The following MAP1B variants were observed in gnomAD, a reference collection of about 807,000 sequenced individuals.
MAP1B encodes microtubule-associated protein 1B.
Under a neutral mutation model 176.1 loss-of-function variants are expected in MAP1B, and 12 were observed. The ratio of observed to expected loss-of-function variants is 0.07; its 90% CI spans 0.04 to 0.11. MAP1B has a LOEUF of 0.11. Among genes scored for constraint, MAP1B ranks in the 10% least tolerant of loss-of-function variants. MAP1B has a pLI of 1.00. For synonymous variants in MAP1B, 1,044 were observed against 1,135.0 expected, an observed-to-expected ratio of 0.92 and a Z score of 1.61; for missense variants, 2,523 against 2,990.5, an observed-to-expected ratio of 0.84 and a Z score of 3.65.
intron 2 of MAP1B, among the ~76,000 whole-genome samples, chr5:72,141,266 G>A (rs554928609): frequency 2.0e-5 from 3 of 152,072 alleles, no homozygotes; most frequent in African/African-American, 4.8e-5. Context: ...CACTGGTGCC[G>A]TGACACACAT....
chr5:72,180,125 C>T (rs1411864052), intron 2 of MAP1B, among the ~76,000 whole-genome samples: 2 of 152,118 alleles, frequency 1.3e-5, no homozygotes, highest in Non-Finnish European at 2.9e-5. Context: ...AGCTAGCGGG[C>T]TCAGGGCGTT....
intron 2 of MAP1B, among the ~76,000 whole-genome samples, chr5:72,140,608 A>G (rs541412250): frequency 6.6e-6 from 1 of 152,326 alleles, no homozygotes; most frequent in African/African-American, 2.4e-5. Context: ...TCCTTTCTTT[A>G]TTAAGTTAAT....
chr5:72,171,090 G>A (rs1415886077), intron 2 of MAP1B, among the ~76,000 whole-genome samples: 1 of 152,124 alleles, frequency 6.6e-6, no homozygotes, highest in Non-Finnish European at 1.5e-5. Context: ...ACATAGAGTA[G>A]GAAAGGGTAA....
chr5:72,108,565 C>T (rs1348976798), intron 1 of MAP1B, among the ~76,000 whole-genome samples: 2 of 152,212 alleles, frequency 1.3e-5, no homozygotes, highest in African/African-American at 4.8e-5. Flanking sequence ...AATAGCGGTA[C>T]GCCGGGGACC....
intron 6 of MAP1B, 23 bp from the exon 7 acceptor site, chr5:72,205,061 A>T (rs1413563022): frequency 1.4e-6 from 2 of 1,445,340 alleles, no homozygotes; most frequent in East Asian, 4.9e-5. Context: ...TTAAATAGCT[A>T]TTTTTTTTTT....
At chr5:72,115,858 G>T (rs1484744485) in intron 2 of MAP1B, 59 bp downstream of exon 2, 1 of 1,245,366 alleles carries the variant, frequency 8.0e-7, no homozygotes, top group South Asian at 1.2e-5. Context: ...GAGCAAGCTA[G>T]AAAGCTTTGT....
intron 2 of MAP1B, among the ~76,000 whole-genome samples, chr5:72,163,240 A>C (rs1215129896): frequency 1.3e-5 from 2 of 151,554 alleles, no homozygotes; most frequent in African/African-American, 4.8e-5. Context: ...AAAAAAAAAA[A>C]AAAAAAAAGA....
intron 2 of MAP1B, among the ~76,000 whole-genome samples, chr5:72,171,930 C>T: frequency 6.6e-6 from 1 of 152,152 alleles, no homozygotes; most frequent in East Asian, 1.9e-4. Context: ...GATCCATCTC[C>T]ACCTCACCCT....
At chr5:72,157,243 G>C (rs1207392747) in intron 2 of MAP1B, among the ~76,000 whole-genome samples, 1 of 152,136 alleles carries the variant, frequency 6.6e-6, no homozygotes, top group Non-Finnish European at 1.5e-5. Flanking sequence ...TGGAATGAGA[G>C]GGTAATGTTT....
Position 72,186,835 on chromosome 5 carries a change from AAAG to A in MAP1B, c.510+88_510+90del, listed in dbSNP as rs1176027251. On this transcript the variant is annotated intron_variant, in intron 4 of 6. Transcript: ENST00000296755. The surrounding 1 kb of genome is among the most constrained non-coding windows in gnomAD (Gnocchi z 4.3). Reference sequence around the variant, plus strand: ...CTCTTTGAGAGCACTGGGGGAGACAAAAGAAGAAGGGAGGGAACCTCACAGCTC... The same window carrying A: ...CTCTTTGAGAGCACTGGGGGAGACAAAAGAAGGGAGGGAACCTCACAGCTC... 2.0e-6 allele frequency: 3 copies of A among 1,527,544 alleles called. No individual in the cohort carries two copies. The highest frequency in any genetic ancestry group is 1.7e-5 in the Admixed American group (1 of 58,172). The allele number at this position is 1,527,544 out of a possible 1,614,324, so 94.6% of individuals were successfully genotyped here. A position where few individuals can be genotyped will look rare whatever the true frequency, so the allele number is the denominator to read the frequency against.
At chr5:72,140,872 G>C (rs1745935384) in intron 2 of MAP1B, among the ~76,000 whole-genome samples, 1 of 152,124 alleles carries the variant, frequency 6.6e-6, no homozygotes, top group Non-Finnish European at 1.5e-5. Flanking sequence ...TTTTTTGTCT[G>C]AATCCCCATC....
chr5:72,177,646 T>G (rs1217172035), intron 2 of MAP1B, among the ~76,000 whole-genome samples: 1 of 152,148 alleles, frequency 6.6e-6, no homozygotes, highest in East Asian at 1.9e-4. Context: ...TTACCTGCCA[T>G]GTGGGTTTCT....
chr5:72,167,016 CTT>C (rs35935162), intron 2 of MAP1B, among the ~76,000 whole-genome samples: 59,307 of 142,228 alleles, frequency 0.42, 12,107 homozygotes, highest in African/African-American at 0.47. Context: ...TATATTCCTT[CTT>C]TTTTTTTTTT....
At chr5:72,135,776 T>C (rs912142551) in intron 2 of MAP1B, among the ~76,000 whole-genome samples, 1 of 152,112 alleles carries the variant, frequency 6.6e-6, no homozygotes, top group Non-Finnish European at 1.5e-5. Flanking sequence ...CAGATTTCCC[T>C]GGGACCTTTC....
intron 2 of MAP1B, among the ~76,000 whole-genome samples, chr5:72,174,387 A>G (rs1746609212): frequency 6.6e-6 from 1 of 152,228 alleles, no homozygotes; most frequent in Non-Finnish European, 1.5e-5. Context: ...CCCACTCTCC[A>G]ATAGAACTGA....
chr5:72,183,542 C>T (rs1746827643), intron 2 of MAP1B, among the ~76,000 whole-genome samples: 1 of 152,186 alleles, frequency 6.6e-6, no homozygotes, highest in African/African-American at 2.4e-5. Context: ...CACACAAACC[C>T]AGCCTGGGGA....
chr5:72,140,646 G>A (rs747683626), intron 2 of MAP1B, among the ~76,000 whole-genome samples: 4 of 152,270 alleles, frequency 2.6e-5, no homozygotes, highest in African/African-American at 9.6e-5. Context: ...CAAAAATAAC[G>A]TGGGAGGAAC....
intron 2 of MAP1B, among the ~76,000 whole-genome samples, chr5:72,125,018 G>T (rs989178300): frequency 2.0e-5 from 3 of 152,206 alleles, no homozygotes; most frequent in African/African-American, 7.2e-5. Context: ...TTAGTGCAGA[G>T]CCATTTTGAG....
chr5:72,111,051 C>T (rs760884971), intron 1 of MAP1B, among the ~76,000 whole-genome samples: 2 of 152,200 alleles, frequency 1.3e-5, no homozygotes, highest in Non-Finnish European at 2.9e-5. Flanking sequence ...TTATGCAGGA[C>T]TTTATTCCAA....
Sources: gnomAD v4.1 joint callset for allele counts (sites outside exome capture counted in the v4.1 genomes callset) on GRCh38, gnomAD v4.1.1 for gene constraint, Gnocchi (gnomAD v3.1) non-coding constraint, MANE v1.5 for transcripts, NCBI Gene and HGNC (gene_info 2026-07-23, HGNC 2026-07-21) for gene names.